Variants in GNL2 observed in about 807,000 individuals in gnomAD.
GNL2 encodes G protein nucleolar 2, also known as nucleolar GTP-binding protein 2.
In GNL2, 51 loss-of-function variants were observed where a neutral mutation model predicts 92.3. The observed-to-expected ratio is 0.55, with a 90% CI of 0.44 to 0.70. The LOEUF is 0.70. Ranked by LOEUF, GNL2 falls within the 30% of genes least tolerant of loss-of-function variation. The pLI, the probability that GNL2 is intolerant of heterozygous loss-of-function variation, is 0.00. For synonymous variants in GNL2, 283 were observed against 300.6 expected, an observed-to-expected ratio of 0.94 and a Z score of 0.61; for missense variants, 844 against 895.6, an observed-to-expected ratio of 0.94 and a Z score of 0.74.
intron 2 of GNL2, chr1:37,593,339 G>C (rs1643899782): frequency 5.7e-6 from 1 of 175,756 alleles, no homozygotes; most frequent in Admixed American, 5.7e-5. Context: ...CTGTGGTAGA[G>C]GCTACCTCAG....
At chr1:37,568,240 A>ATT (rs1449336323) in intron 14 of GNL2, 35 bp downstream of exon 14, 1 of 1,326,328 alleles carries the variant, frequency 7.5e-7, no homozygotes, top group African/African-American at 1.4e-5. Context: ...AAATATGCAA[A>ATT]TTACATCTAA....
chr1:37,580,224 A>C (rs749366474), intron 8 of GNL2, among the ~76,000 whole-genome samples: 1 of 152,116 alleles, frequency 6.6e-6, no homozygotes, highest in Non-Finnish European at 1.5e-5. Context: ...GCTTGGGCCT[A>C]GGAGTTTGAG....
intron 8 of GNL2, chr1:37,581,439 A>G (rs569704027): frequency 8.8e-5 from 40 of 456,048 alleles, no homozygotes; most frequent in Non-Finnish European, 1.5e-4. Flanking sequence ...GAATTTTGGC[A>G]GGGCCCTCTC....
rs1473570152 is a variant in GNL2 at position 37,567,556 on chromosome 1, G to C, written c.2043+117C>G. 6.6e-6 allele frequency: 5 copies of C among 755,612 alleles called. No individual in the cohort carries two copies. The African/African-American group carries it at 6.9e-5, about 10-fold the overall frequency. 46.8% of individuals were successfully genotyped at this position (755,612 alleles called of 1,614,324 possible). A position where few individuals can be genotyped will look rare whatever the true frequency, so the allele number is the denominator to read the frequency against. ...GACCCTATTTATCTGACCTCAACTA[G>C]GTCAACGAGGACTGGGGTTCTTGGG... On this transcript the variant is annotated intron_variant, in intron 15 of 15. Coordinates refer to ENST00000373062, the MANE Select transcript of GNL2 (RefSeq NM_013285.3).
intron 5 of GNL2, among the ~76,000 whole-genome samples, chr1:37,584,307 G>A (rs4653303): frequency 0.41 from 61,545 of 151,594 alleles, 13,408 homozygotes; most frequent in East Asian, 0.58. Flanking sequence ...AAATTAGCTG[G>A]GCATAGTGGT....
At chr1:37,590,530 C>CACT (rs1181060473) in intron 4 of GNL2, among the ~76,000 whole-genome samples, 176 bp downstream of exon 4, 2 of 152,252 alleles carry the variant, frequency 1.3e-5, no homozygotes, top group Non-Finnish European at 2.9e-5. Flanking sequence ...TGATCCACTA[C>CACT]ACTACTGCAC....
In GNL2 at chr1:37,568,941, G is replaced by A. The variant is rs974393467; in HGVS notation, c.1778C>T (p.Thr593Ile). 1 of 1,614,056 alleles carries A rather than the reference G, an allele frequency of 6.2e-7. No individual in the cohort carries two copies. The highest frequency in any genetic ancestry group is 1.7e-5 in the Admixed American group (1 of 60,014). The change falls in exon 13 of 16, where the codon ACC becomes ATC. Residue 593 changes from threonine (T) to isoleucine (I), a missense_variant. Transcript: ENST00000373062. Reference sequence around the variant, plus strand: ...ATCCAGTGCTTTAATAACGGCTTTGGTGTCGTTTCCCACATTTTCCTCCTC... The same window carrying A: ...ATCCAGTGCTTTAATAACGGCTTTGATGTCGTTTCCCACATTTTCCTCCTC... ...EPEEENVGND[T>I]KAVIKALDEK... is the part of the protein sequence containing the mutation.
At position 37,595,804 on chromosome 1, in the gene GNL2, T is replaced by C. The variant is rs1208895565; in HGVS notation, c.19A>G (p.Lys7Glu). 1.9e-6 allele frequency: 3 copies of C among 1,614,086 alleles called. No individual in the cohort carries two copies. Among genetic ancestry groups the C allele is most frequent in the Non-Finnish European group, 2.5e-6 (3 of 1,180,020 alleles). The part of the protein sequence containing the change: MVKPKY[K>E]GRSTINPSKA... ...GACGGGTTGATGGTGCTCCGTCCTT[T>C]GTACTTGGGCTTCACCATCTTGGCG... The change falls in exon 1 of 16, where the codon AAA becomes GAA. Residue 7 changes from lysine to glutamate, a missense_variant. Lys to Glu is a moderately conservative substitution (Grantham distance 56). Coordinates refer to ENST00000373062, the MANE Select transcript of GNL2 (RefSeq NM_013285.3).
In GNL2 at chr1:37,595,749, C is replaced by T. The variant is rs1202456074; in HGVS notation, c.64+10G>A. 6.2e-7 allele frequency: 1 copy of T among 1,613,058 alleles called. No individual in the cohort carries two copies. On this transcript the variant is annotated intron_variant, in intron 1 of 15. Transcript: ENST00000373062. ...CAAGCTCCACCCTCGATCAGCCCTG[C>T]CGCCTGTACCTGGGTTTGTGCTGGC...
At chr1:37,589,530 T>A (rs902948939) in intron 4 of GNL2, among the ~76,000 whole-genome samples, 1 of 152,118 alleles carries the variant, frequency 6.6e-6, no homozygotes, top group Non-Finnish European at 1.5e-5. Flanking sequence ...ATGGTCTCAA[T>A]CTCCTGACCT....
At chr1:37,578,331 T>C (rs1391946597) in intron 8 of GNL2, among the ~76,000 whole-genome samples, 1 of 151,298 alleles carries the variant, frequency 6.6e-6, no homozygotes, top group Non-Finnish European at 1.5e-5. Context: ...CCCAGCTACT[T>C]GGGAGGCTGA....
At chr1:37,574,539 G>GGGTT in intron 11 of GNL2, 83 bp from the exon 12 acceptor site, 1 of 1,400,862 alleles carries the variant, frequency 7.1e-7, no homozygotes, top group Non-Finnish European at 1.0e-6. Context: ...GTTGTCCCAG[G>GGGTT]GGTTCATCAT....
chr1:37,574,856 A>C, intron 10 of GNL2, 33 bp from the exon 11 acceptor site: 4 of 1,545,298 alleles, frequency 2.6e-6, no homozygotes, highest in Non-Finnish European at 3.6e-6. Context: ...TCACTTACAA[A>C]CTTTGTTGTG....
At chr1:37,588,758 T>C (rs1384032913) in intron 4 of GNL2, among the ~76,000 whole-genome samples, 1 of 152,216 alleles carries the variant, frequency 6.6e-6, no homozygotes, top group Non-Finnish European at 1.5e-5. Context: ...AAAACACATA[T>C]AGATGAATAT....
intron 1 of GNL2, among the ~76,000 whole-genome samples, chr1:37,595,538 T>A (rs1459999485): frequency 6.6e-6 from 1 of 152,198 alleles, no homozygotes; most frequent in Non-Finnish European, 1.5e-5. Flanking sequence ...GACTACACTT[T>A]GGCCTGCCAG....
intron 12 of GNL2, among the ~76,000 whole-genome samples, chr1:37,571,952 TCCA>T: frequency 6.6e-6 from 1 of 151,880 alleles, no homozygotes; most frequent in South Asian, 2.1e-4. Flanking sequence ...CCCACGACAT[TCCA>T]GCCACAGTGA....
chr1:37,581,711 C>T (rs1215472169), intron 8 of GNL2, among the ~76,000 whole-genome samples: 1 of 152,234 alleles, frequency 6.6e-6, no homozygotes, highest in Non-Finnish European at 1.5e-5. Flanking sequence ...GTCGCCCAGG[C>T]TGGGGTGCAG....
chr1:37,581,888 C>T (rs1226335369), intron 8 of GNL2, among the ~76,000 whole-genome samples: 2 of 152,174 alleles, frequency 1.3e-5, no homozygotes, highest in Non-Finnish European at 2.9e-5. Flanking sequence ...TGGTCTCAAA[C>T]TCCTGACCTT....
chr1:37,593,576 A>G (rs1643901042), intron 2 of GNL2, 186 bp downstream of exon 2: 4 of 524,420 alleles, frequency 7.6e-6, no homozygotes, highest in Non-Finnish European at 1.4e-5. Context: ...TTTCACCGCC[A>G]GCTACCCATG....
Sources: gnomAD v4.1 joint callset for allele counts (sites outside exome capture counted in the v4.1 genomes callset) on GRCh38, gnomAD v4.1.1 for gene constraint, MANE v1.5 for transcripts, NCBI Gene and HGNC (gene_info 2026-07-23, HGNC 2026-07-21) for gene names.